The following PPP1R13B variants were observed in gnomAD, a reference collection of about 807,000 sequenced individuals.
The protein encoded by PPP1R13B is protein phosphatase 1 regulatory subunit 13B.
In PPP1R13B, 44 loss-of-function variants were observed where a neutral mutation model predicts 119.8. That is an observed-to-expected ratio of 0.37 (90% CI 0.29 to 0.47). PPP1R13B has a LOEUF of 0.47. Among genes scored for constraint, PPP1R13B ranks in the 20% least tolerant of loss-of-function variants. PPP1R13B has a pLI of 0.99. For missense variants in PPP1R13B, 1,227 were observed against 1,413.5 expected (o/e 0.87, Z 2.12); for synonymous variants, 542 against 561.5 (o/e 0.97, Z 0.49).
At chr14:103,847,098 C>A (rs887176677) in intron 1 of PPP1R13B, 2 of 986,320 alleles carry the variant, frequency 2.0e-6, no homozygotes, top group African/African-American at 3.5e-5. Context: ...CAGGCGGCCC[C>A]GGCCCCGCGC....
chr14:103,827,549 T>C (rs899875384), intron 1 of PPP1R13B, among the ~76,000 whole-genome samples: 3 of 151,380 alleles, frequency 2.0e-5, no homozygotes, highest in Non-Finnish European at 4.4e-5. Context: ...AAAGTTATAG[T>C]ATGATATAGT....
At chr14:103,752,775 T>C (rs1157909241) in intron 7 of PPP1R13B, among the ~76,000 whole-genome samples, 1 of 152,208 alleles carries the variant, frequency 6.6e-6, no homozygotes, top group African/African-American at 2.4e-5. Flanking sequence ...TCTTGTGATC[T>C]GCCCGCCTCG....
chr14:103,744,863 C>T (rs2084349753), intron 9 of PPP1R13B, among the ~76,000 whole-genome samples: 1 of 152,262 alleles, frequency 6.6e-6, no homozygotes, highest in Non-Finnish European at 1.5e-5. Flanking sequence ...CTTTCATCCA[C>T]AGCAGAGGCT....
At chr14:103,839,539 A>ACC (rs927987895) in intron 1 of PPP1R13B, among the ~76,000 whole-genome samples, 4 of 150,202 alleles carry the variant, frequency 2.7e-5, no homozygotes, top group African/African-American at 9.8e-5. Flanking sequence ...AGTCAGAAGA[A>ACC]CCCCTTGAAC....
intron 1 of PPP1R13B, among the ~76,000 whole-genome samples, chr14:103,817,039 G>A (rs892170208): frequency 6.6e-6 from 1 of 152,172 alleles, no homozygotes; most frequent in Non-Finnish European, 1.5e-5. Context: ...AATGCTCAGA[G>A]TTACTGTTCT....
intron 1 of PPP1R13B, among the ~76,000 whole-genome samples, chr14:103,838,356 G>A (rs1276275111): frequency 6.6e-6 from 1 of 152,046 alleles, no homozygotes; most frequent in Non-Finnish European, 1.5e-5. Context: ...AAACGGCAGT[G>A]GTATAATGGG....
chr14:103,763,643 G>A (rs1274617634), intron 4 of PPP1R13B, among the ~76,000 whole-genome samples: 1 of 152,036 alleles, frequency 6.6e-6, no homozygotes, highest in Non-Finnish European at 1.5e-5. Context: ...CTTTTTTAGA[G>A]TTAACTGAGG....
chr14:103,846,005 A>G (rs28616007), intron 1 of PPP1R13B, among the ~76,000 whole-genome samples: 19,886 of 152,202 alleles, frequency 0.13, 1,973 homozygotes, highest in African/African-American at 0.27. Context: ...CCTACTTTAG[A>G]GGTAATTCCA....
At position 103,742,598 on chromosome 14, in the gene PPP1R13B, G is replaced by A; in HGVS notation, c.1320+56C>T. 1 of 1,579,756 alleles carries A rather than the reference G, an allele frequency of 6.3e-7. No individual in the cohort carries two copies. The highest frequency in any genetic ancestry group is 8.6e-7 in the Non-Finnish European group (1 of 1,162,522). ...TACCCTTTAGCTTAGTACTAAGGCA[G>A]AAGAGAGCCCTGTTGAAGAGCCCGC... is the stretch of plus-strand genomic sequence containing the variant. On this transcript the variant is annotated intron_variant, in intron 10 of 16. Coordinates refer to ENST00000202556, the MANE Select transcript of PPP1R13B (RefSeq NM_015316.3). This position sits in a 1 kb window ranked among gnomAD's most constrained non-coding sequence, Gnocchi z 4.9.
intron 12 of PPP1R13B, 114 bp downstream of exon 12, chr14:103,739,710 G>A: frequency 7.8e-7 from 1 of 1,281,816 alleles, no homozygotes; most frequent in Non-Finnish European, 1.0e-6. Context: ...GTAACTCAGG[G>A]ACATCCCTGG....
chr14:103,812,751 C>G (rs1216323433), intron 1 of PPP1R13B, among the ~76,000 whole-genome samples: 1 of 152,152 alleles, frequency 6.6e-6, no homozygotes, highest in African/African-American at 2.4e-5. Context: ...ATGATCTGAA[C>G]AGATACTTCA....
In PPP1R13B at chr14:103,757,681, A is replaced by G; in HGVS notation, c.425T>C (p.Ile142Thr). The G allele has an allele frequency of 1.2e-6, 2 of 1,614,046 alleles. No homozygotes were observed. The highest frequency in any genetic ancestry group is 1.7e-6 in the Non-Finnish European group (2 of 1,179,980). ...AACCAACATCTGCTGCTGATTTTCA[A>G]TCTGCTGCTGTTGCCTAGCTGCCAT... is the stretch of plus-strand genomic sequence containing the variant. ...QDMAARQQQQ[I>T]ENQQQMLVAK... Residue 142 changes from isoleucine (I) to threonine (T), a missense_variant, in exon 5 of 17, where the codon ATT becomes ACT. Transcript: ENST00000202556.
intron 2 of PPP1R13B, among the ~76,000 whole-genome samples, chr14:103,788,188 G>C (rs1289148422): frequency 6.6e-6 from 1 of 151,818 alleles, no homozygotes; most frequent in African/African-American, 2.4e-5. Context: ...ACAGATTTCA[G>C]CCAATTCTGT....
chr14:103,759,793 T>C (rs1449500145), intron 4 of PPP1R13B, among the ~76,000 whole-genome samples: 2 of 152,202 alleles, frequency 1.3e-5, no homozygotes, highest in Admixed American at 6.5e-5. Flanking sequence ...GGTGTTCTGA[T>C]GTTTATATCT....
intron 4 of PPP1R13B, among the ~76,000 whole-genome samples, chr14:103,761,346 A>C (rs115260555): frequency 0.019 from 2,898 of 151,860 alleles, 100 homozygotes; most frequent in African/African-American, 0.067. Flanking sequence ...AATTTTACCT[A>C]TGAACAGAGG....
rs1028225611 is a variant in PPP1R13B at position 103,734,207 on chromosome 14, G to A, written c.*947C>T. On this transcript the variant is annotated 3_prime_UTR_variant, in exon 17 of 17. Transcript: ENST00000202556. ...GGTGGCCCCTGACCCCAGCTCCTCT[G>A]CCCCAGCTGCTGCTCCTTGGTGGCG... 3 of 283,230 alleles carry A rather than the reference G, an allele frequency of 1.1e-5. No individual in the cohort carries two copies. The highest frequency in any genetic ancestry group is 4.2e-5 in the Admixed American group (1 of 23,738). 17.5% of individuals were successfully genotyped at this position (283,230 alleles called of 1,614,324 possible). A position where few individuals can be genotyped will look rare whatever the true frequency, so the allele number is the denominator to read the frequency against.
chr14:103,795,394 C>G (rs1287039916), intron 2 of PPP1R13B, among the ~76,000 whole-genome samples: 1 of 152,108 alleles, frequency 6.6e-6, no homozygotes. Context: ...ACAAAAGCCA[C>G]GGTAAATGTA....
At chr14:103,757,119 G>A (rs1157127003) in intron 5 of PPP1R13B, among the ~76,000 whole-genome samples, 1 of 150,812 alleles carries the variant, frequency 6.6e-6, no homozygotes, top group Non-Finnish European at 1.5e-5. Context: ...CTGGAATGCA[G>A]TGGCATGATC....
Position 103,738,566 on chromosome 14 carries a change from G to A in PPP1R13B, c.2864+113C>T. ...GTCTTTCAAGGATGAAATGATGGGT[G>A]TTCTTGCTCTAATTCTCTCTTCCGT... On this transcript the variant is annotated intron_variant, in intron 14 of 16. Coordinates refer to ENST00000202556, the MANE Select transcript of PPP1R13B (RefSeq NM_015316.3). The surrounding 1 kb of genome is among the most constrained non-coding windows in gnomAD (Gnocchi z 5.6). 8 of 1,480,036 alleles carry A rather than the reference G, an allele frequency of 5.4e-6. No homozygotes were observed. The South Asian group carries it at 9.2e-5, about 17-fold the overall frequency. 91.7% of individuals were successfully genotyped at this position (1,480,036 alleles called of 1,614,324 possible). A position where few individuals can be genotyped will look rare whatever the true frequency, so the allele number is the denominator to read the frequency against.
Sources: allele counts gnomAD v4.1 joint callset (sites outside exome capture counted in the v4.1 genomes callset), GRCh38; gene constraint gnomAD v4.1.1; non-coding constraint Gnocchi (gnomAD v3.1); transcripts MANE v1.5; gene names NCBI Gene and HGNC (gene_info 2026-07-23, HGNC 2026-07-21).